The following TAX1BP1 variants were observed in gnomAD, a reference collection of about 807,000 sequenced individuals.
The protein encoded by TAX1BP1 is tax1-binding protein 1.
Under a neutral mutation model 97.7 loss-of-function variants are expected in TAX1BP1, and 62 were observed. The ratio of observed to expected loss-of-function variants is 0.63; its 90% CI spans 0.52 to 0.78. The LOEUF (loss-of-function observed/expected upper bound fraction) is 0.78. Among genes scored for constraint, TAX1BP1 ranks in the 30% least tolerant of loss-of-function variants. The pLI is 0.00. For synonymous variants in TAX1BP1, 340 were observed against 304.2 expected (o/e 1.12, Z -1.23); for missense variants, 867 against 916.1 (o/e 0.95, Z 0.69).
At chr7:27,766,677 T>C (rs1788659271) in intron 4 of TAX1BP1, among the ~76,000 whole-genome samples, 1 of 152,062 alleles carries the variant, frequency 6.6e-6, no homozygotes, top group South Asian at 2.1e-4. Flanking sequence ...GCCTAACTTT[T>C]TGTGGTGGCG....
At position 27,816,486 on chromosome 7, in the gene TAX1BP1, A is replaced by T. The variant is rs747121513; in HGVS notation, c.1902A>T (p.Gln634His). The part of the protein sequence containing the change: ...LTLSNAQPVL[Q>H]YGNPYASQET... The stretch of plus-strand genomic sequence containing the variant: ...TGTCAAATGCACAACCAGTTCTGCA[A>T]TATGGTAATCCTTATGCATCTCAGG... The change falls in exon 14 of 17, where the codon CAA (glutamine) becomes CAT (histidine). Residue 634 changes from glutamine to histidine, a missense_variant. Coordinates refer to ENST00000396319, the MANE Select transcript of TAX1BP1 (RefSeq NM_006024.7). The T allele has an allele frequency of 3.8e-6, 6 of 1,560,124 alleles. No homozygotes were observed. The East Asian group carries it at 9.5e-5, about 25-fold the overall frequency.
At chr7:27,828,557 T>C in intron 16 of TAX1BP1, 71 bp from the exon 17 acceptor site, 1 of 1,455,388 alleles carries the variant, frequency 6.9e-7, no homozygotes, top group Non-Finnish European at 9.5e-7. Flanking sequence ...AAATGGAACC[T>C]TGTCATATAT....
intron 2 of TAX1BP1, 61 bp from the exon 3 acceptor site, chr7:27,757,970 G>C: frequency 5.1e-6 from 5 of 982,146 alleles, no homozygotes; most frequent in Non-Finnish European, 7.9e-6. Context: ...ACAGTATGCT[G>C]TATGAGCCTA....
chr7:27,816,806 T>C (rs1790784128), intron 14 of TAX1BP1, 84 bp from the exon 15 acceptor site: 6 of 1,513,294 alleles, frequency 4.0e-6, no homozygotes, highest in Middle Eastern at 1.7e-4. Flanking sequence ...AGTGGTTCTT[T>C]ATATCCTGTT....
chr7:27,802,234 C>T (rs1015264896), intron 13 of TAX1BP1, among the ~76,000 whole-genome samples: 1 of 152,164 alleles, frequency 6.6e-6, no homozygotes, highest in African/African-American at 2.4e-5. Flanking sequence ...GACCCAATCA[C>T]AGCGAGTCTT....
chr7:27,817,113 TGC>T, intron 15 of TAX1BP1, 75 bp downstream of exon 15: 1 of 1,521,052 alleles, frequency 6.6e-7, no homozygotes, highest in Non-Finnish European at 8.8e-7. Flanking sequence ...AGGGTATGTG[TGC>T]ATATGTGTAT....
chr7:27,759,043 TA>T (rs993377141), intron 3 of TAX1BP1, among the ~76,000 whole-genome samples: 3 of 152,148 alleles, frequency 2.0e-5, no homozygotes, highest in African/African-American at 7.2e-5. Context: ...TGCTGCAGAG[TA>T]ATTTTGTATT....
chr7:27,744,179 C>T (rs1050991430), intron 1 of TAX1BP1, among the ~76,000 whole-genome samples: 13 of 152,150 alleles, frequency 8.5e-5, no homozygotes, highest in Non-Finnish European at 2.9e-5. Context: ...GGCTGGAGTG[C>T]AATGGCGTGA....
At chr7:27,748,872 T>C (rs1787922265) in intron 2 of TAX1BP1, among the ~76,000 whole-genome samples, 186 bp downstream of exon 2, 1 of 152,200 alleles carries the variant, frequency 6.6e-6, no homozygotes, top group South Asian at 2.1e-4. Context: ...CACCAGATTT[T>C]CCTCTCCCTG....
At chr7:27,767,256 T>G (rs554512418) in intron 4 of TAX1BP1, among the ~76,000 whole-genome samples, 183 of 152,314 alleles carry the variant, frequency 1.2e-3, no homozygotes, top group African/African-American at 4.2e-3. Flanking sequence ...GGCTAATTTA[T>G]ATTCATATTT....
chr7:27,811,757 T>C lies in TAX1BP1; in HGVS notation c.1765-4592T>C, dbSNP rs1053098016. Among the ~76,000 whole-genome samples, 7 of 152,284 alleles carry C rather than the reference T, an allele frequency of 4.6e-5. No individual in the cohort carries two copies. In the South Asian group the frequency reaches 1.4e-3, roughly 32 times the overall value. On this transcript the variant is annotated intron_variant, in intron 13 of 16. Transcript: ENST00000396319. The stretch of plus-strand genomic sequence containing the variant: ...AAAGTTCCCTCTTGCTCATTTGCAT[T>C]CGTCCCCTCCTGCTACCCCCCTGTC...
chr7:27,822,757 T>C (rs878893194), intron 15 of TAX1BP1, among the ~76,000 whole-genome samples: 1 of 152,262 alleles, frequency 6.6e-6, no homozygotes, highest in Admixed American at 6.5e-5. Context: ...TCTTCACTTT[T>C]ACGATGGTGC....
At chr7:27,764,693 C>A (rs1424878753) in intron 3 of TAX1BP1, among the ~76,000 whole-genome samples, 1 of 152,092 alleles carries the variant, frequency 6.6e-6, no homozygotes, top group Admixed American at 6.6e-5. Flanking sequence ...CTCTGTGCAT[C>A]TTGCCTACGA....
intron 5 of TAX1BP1, among the ~76,000 whole-genome samples, chr7:27,773,508 G>A (rs186863313): frequency 1.3e-5 from 2 of 152,066 alleles, no homozygotes; most frequent in Admixed American, 1.3e-4. Context: ...TGTATCTATG[G>A]ATTTGTGTAT....
chr7:27,780,842 C>T lies in TAX1BP1; in HGVS notation c.613-4321C>T, dbSNP rs1789226826. ...ATTATTTCTACAATATATTTATATA[C>T]TTTTAAACCCATAATTTTTGTATTG... is the stretch of plus-strand genomic sequence containing the variant. On this transcript the variant is annotated intron_variant, in intron 5 of 16. Coordinates refer to ENST00000396319, the MANE Select transcript of TAX1BP1 (RefSeq NM_006024.7). 3.3e-5 allele frequency among the ~76,000 whole-genome samples: 5 copies of T among 151,910 alleles called. 1 individual carries two copies. In the South Asian group the frequency reaches 1.0e-3, roughly 32 times the overall value.
chr7:27,744,574 T>G (rs1361936605), intron 1 of TAX1BP1, among the ~76,000 whole-genome samples: 1 of 152,240 alleles, frequency 6.6e-6, no homozygotes. Context: ...AAAAGCTTAA[T>G]TTGGCTTCAT....
intron 2 of TAX1BP1, among the ~76,000 whole-genome samples, chr7:27,756,963 C>G (rs1421956753): frequency 6.6e-6 from 1 of 152,130 alleles, no homozygotes; most frequent in African/African-American, 2.4e-5. Context: ...TACTCCAGTA[C>G]TTTCTCTTCT....
chr7:27,816,356 A>C lies in TAX1BP1; in HGVS notation c.1772A>C (p.Lys591Thr). 6 of 1,573,086 alleles carry C rather than the reference A, an allele frequency of 3.8e-6. No homozygotes were observed. The highest frequency in any genetic ancestry group is 5.1e-6 in the Non-Finnish European group (6 of 1,168,352). ...AEVQDNYKEL[K>T]RSLENPAERK... Reference sequence around the variant, plus strand: ...TGTTTTTGTTAATTTTAGGAACTTAAAAGGAGTCTAGAAAATCCAGCAGAA... The same window carrying C: ...TGTTTTTGTTAATTTTAGGAACTTACAAGGAGTCTAGAAAATCCAGCAGAA... The change falls in exon 14 of 17, where the codon AAA becomes ACA. Residue 591 changes from lysine (K) to threonine (T), a missense_variant. Coordinates refer to ENST00000396319, the MANE Select transcript of TAX1BP1 (RefSeq NM_006024.7).
intron 5 of TAX1BP1, among the ~76,000 whole-genome samples, chr7:27,770,057 G>C (rs1165212925): frequency 6.6e-6 from 1 of 152,042 alleles, no homozygotes; most frequent in African/African-American, 2.4e-5. Flanking sequence ...TTGGTACCAG[G>C]CTTGTTGAGG....
Sources: gnomAD v4.1 joint callset for allele counts (sites outside exome capture counted in the v4.1 genomes callset) on GRCh38, gnomAD v4.1.1 for gene constraint, MANE v1.5 for transcripts, NCBI Gene and HGNC (gene_info 2026-07-23, HGNC 2026-07-21) for gene names.